The following ATP11B variants were observed in gnomAD, a reference collection of about 807,000 sequenced individuals.
The protein encoded by ATP11B is ATPase phospholipid transporting 11B (putative), also known as phospholipid-transporting ATPase IF.
In ATP11B, 81 loss-of-function variants were observed where a neutral mutation model predicts 157.8. The ratio of observed to expected loss-of-function variants is 0.51; its 90% CI spans 0.43 to 0.62. The LOEUF is 0.62. Ranked by LOEUF, ATP11B falls within the 20% of genes least tolerant of loss-of-function variation. The probability of loss-of-function intolerance (pLI) is 0.00; values close to 1 mark genes in which losing one functional copy is unlikely to be tolerated. For missense variants in ATP11B, 1,165 were observed against 1,402.2 expected, an observed-to-expected ratio of 0.83 and a Z score of 2.70; for synonymous variants, 451 against 469.4, an observed-to-expected ratio of 0.96 and a Z score of 0.51.
At chr3:182,866,467 C>A in intron 14 of ATP11B, 24 bp downstream of exon 14, 1 of 1,489,838 alleles carries the variant, frequency 6.7e-7, no homozygotes, top group Non-Finnish European at 9.0e-7. Flanking sequence ...ATTTCCAAAT[C>A]TTCGGAAAAA....
rs570606903 is a variant in ATP11B at position 182,861,810 on chromosome 3, C to T, written c.1200+2451C>T. On this transcript the variant is annotated intron_variant, in intron 12 of 29. Transcript: ENST00000323116. ...CAAATGGATGCTAATCTTTGGCTAT[C>T]ATTTCAAATTTAAAAGTACTCTACC... Among the ~76,000 whole-genome samples, 3 of 152,124 alleles carry T rather than the reference C, an allele frequency of 2.0e-5. No homozygotes were observed. In the East Asian group the frequency reaches 5.8e-4, roughly 29 times the overall value.
chr3:182,826,521 A>G (rs937318004), intron 2 of ATP11B, among the ~76,000 whole-genome samples: 3 of 152,162 alleles, frequency 2.0e-5, no homozygotes, highest in Non-Finnish European at 4.4e-5. Flanking sequence ...ACACACAATT[A>G]CCATCTCATG....
rs189462496 is a variant in ATP11B at position 182,819,943 on chromosome 3, A to G, written c.28-317A>G. ...TATGATTTTTTTTCAATATAGTAGT[A>G]TTTCTGACAGAGAATGAACTGTTTT... On this transcript the variant is annotated intron_variant, in intron 1 of 29. Coordinates refer to ENST00000323116, the MANE Select transcript of ATP11B (RefSeq NM_014616.3). Among the ~76,000 whole-genome samples the G allele has an allele frequency of 1.4e-4, 21 of 152,200 alleles. No individual in the cohort carries two copies. In the East Asian group the frequency reaches 2.9e-3, roughly 21 times the overall value.
intron 17 of ATP11B, among the ~76,000 whole-genome samples, chr3:182,872,015 C>G (rs1013893329): frequency 6.6e-6 from 1 of 152,082 alleles, no homozygotes; most frequent in African/African-American, 2.4e-5. Context: ...CTGGGTTTCA[C>G]CATGTTAGCC....
intron 12 of ATP11B, among the ~76,000 whole-genome samples, chr3:182,862,695 G>T (rs139465682): frequency 1.2e-4 from 19 of 152,050 alleles, no homozygotes; most frequent in African/African-American, 4.6e-4. Flanking sequence ...TCATCACTTG[G>T]GTTTCAGATT....
intron 28 of ATP11B, among the ~76,000 whole-genome samples, chr3:182,906,856 A>G (rs998456363): frequency 6.6e-6 from 1 of 151,766 alleles, no homozygotes; most frequent in African/African-American, 2.4e-5. Flanking sequence ...TGGGAGGCTG[A>G]GGCGGGTGGA....
chr3:182,920,052 C>T lies in ATP11B; in HGVS notation c.*1948C>T, dbSNP rs16833596. On this transcript the variant is annotated 3_prime_UTR_variant, in exon 30 of 30. Coordinates refer to ENST00000323116, the MANE Select transcript of ATP11B (RefSeq NM_014616.3). ...AAAACGTGCATATAACAAAATGACACCCAGTAGGCCTGCATTACATTTACA... is the reference window on the plus strand; with the variant it reads ...AAAACGTGCATATAACAAAATGACATCCAGTAGGCCTGCATTACATTTACA... 0.13 allele frequency: 20,517 copies of T among 152,098 alleles called. 1,723 individuals are homozygous for T. Among genetic ancestry groups the T allele is most frequent in the African/African-American group, 0.24 (9,857 of 41,468 alleles). The allele number at this position is 152,098 out of a possible 1,614,324, so 9.4% of individuals were successfully genotyped here.
intron 12 of ATP11B, among the ~76,000 whole-genome samples, chr3:182,864,011 A>C (rs1008194475): frequency 6.6e-6 from 1 of 152,074 alleles, no homozygotes; most frequent in African/African-American, 2.4e-5. Flanking sequence ...AAAGTATTCT[A>C]TCTCTTATTT....
chr3:182,821,940 G>A (rs534415496), intron 2 of ATP11B, among the ~76,000 whole-genome samples: 136 of 152,132 alleles, frequency 8.9e-4, no homozygotes, highest in African/African-American at 3.2e-3. Context: ...TGTTGTCTTA[G>A]GTCAGCAGTT....
intron 2 of ATP11B, among the ~76,000 whole-genome samples, chr3:182,821,099 T>G (rs114366300): frequency 2.6e-5 from 4 of 152,160 alleles, no homozygotes; most frequent in African/African-American, 7.2e-5. Context: ...ATTGGATTTT[T>G]GGGGTTTTTT....
intron 23 of ATP11B, among the ~76,000 whole-genome samples, chr3:182,887,220 A>G (rs996212111): frequency 1.3e-5 from 2 of 152,170 alleles, no homozygotes; most frequent in African/African-American, 4.8e-5. Context: ...ATGAAAGGTA[A>G]ACTGTATGTG....
chr3:182,830,250 G>C (rs1718028945), intron 4 of ATP11B, among the ~76,000 whole-genome samples: 1 of 151,596 alleles, frequency 6.6e-6, no homozygotes, highest in African/African-American at 2.4e-5. Context: ...TTGAGCCCAG[G>C]AGGTAGAGGC....
chr3:182,910,435 A>G (rs993798425), intron 28 of ATP11B, among the ~76,000 whole-genome samples: 2 of 152,062 alleles, frequency 1.3e-5, no homozygotes, highest in South Asian at 2.1e-4. Flanking sequence ...TTAGCCTGAC[A>G]TGATGACGCA....
chr3:182,843,173 T>C (rs941734330), intron 8 of ATP11B, among the ~76,000 whole-genome samples: 1 of 152,340 alleles, frequency 6.6e-6, no homozygotes, highest in Admixed American at 6.5e-5. Context: ...CTTTTCTCCA[T>C]TAATACCCAA....
At chr3:182,800,699 T>C (rs369589749) in intron 1 of ATP11B, among the ~76,000 whole-genome samples, 2 of 152,266 alleles carry the variant, frequency 1.3e-5, no homozygotes, top group South Asian at 2.1e-4. Flanking sequence ...AACACAAATT[T>C]TTTTGCTGAC....
chr3:182,847,198 G>GT (rs1407564731), intron 9 of ATP11B, among the ~76,000 whole-genome samples: 1 of 151,934 alleles, frequency 6.6e-6, no homozygotes, highest in Non-Finnish European at 1.5e-5. Flanking sequence ...TTACAGGCAT[G>GT]TGCCACCATG....
At chr3:182,884,390 GAAGTT>G (rs1344706404) in intron 21 of ATP11B, among the ~76,000 whole-genome samples, 2 of 152,098 alleles carry the variant, frequency 1.3e-5, no homozygotes, top group African/African-American at 4.8e-5. Context: ...TGAAAATAGT[GAAGTT>G]AAGTATTTTA....
chr3:182,910,071 CAGAAAAAAAAA>C (rs1426776051), intron 28 of ATP11B, among the ~76,000 whole-genome samples: 1 of 72,308 alleles, frequency 1.4e-5, no homozygotes, highest in Non-Finnish European at 2.6e-5. Context: ...ACTCGGCCTC[CAGAAAAAAAAA>C]AAAAAAAAAA....
intron 7 of ATP11B, among the ~76,000 whole-genome samples, chr3:182,840,916 C>A (rs995283514): frequency 6.6e-6 from 1 of 152,182 alleles, no homozygotes; most frequent in African/African-American, 2.4e-5. Context: ...CTGCTTAACC[C>A]TGTAGTGGCT....
Sources: allele counts gnomAD v4.1 joint callset (sites outside exome capture counted in the v4.1 genomes callset), GRCh38; gene constraint gnomAD v4.1.1; transcripts MANE v1.5; gene names NCBI Gene and HGNC (gene_info 2026-07-23, HGNC 2026-07-21).